EEPD1: variants seen among roughly 807,000 people sequenced by gnomAD.
The protein encoded by EEPD1 is endonuclease/exonuclease/phosphatase family domain containing 1.
A neutral mutation model predicts 46.3 loss-of-function variants in EEPD1; 17 were observed. That is an observed-to-expected ratio of 0.37 (90% CI 0.25 to 0.55). EEPD1 has a LOEUF of 0.55. EEPD1 is among the 20% of genes least tolerant of loss of function. EEPD1 has a pLI of 0.83. For missense variants in EEPD1, 673 were observed against 745.6 expected, an observed-to-expected ratio of 0.90 and a Z score of 1.13; for synonymous variants, 313 against 315.6, an observed-to-expected ratio of 0.99 and a Z score of 0.09.
chr7:36,280,728 C>CT (rs5883541), intron 3 of EEPD1, among the ~76,000 whole-genome samples: 25,564 of 152,176 alleles, frequency 0.17, 2,493 homozygotes, highest in South Asian at 0.18. Context: ...ATGTATCCAT[C>CT]TTGTTACCTT....
intron 3 of EEPD1, among the ~76,000 whole-genome samples, chr7:36,254,193 A>G (rs1486485225): frequency 1.3e-5 from 2 of 152,142 alleles, no homozygotes; most frequent in African/African-American, 2.4e-5. Context: ...GGTTTGTTAC[A>G]TAGGTATACA....
intron 2 of EEPD1, among the ~76,000 whole-genome samples, chr7:36,220,774 A>G (rs1308309820): frequency 6.6e-6 from 1 of 152,078 alleles, no homozygotes; most frequent in East Asian, 1.9e-4. Context: ...CAAACTTATA[A>G]CTACACTGAA....
Position 36,214,719 on chromosome 7 carries a change from A to G in EEPD1, c.879-24266A>G, listed in dbSNP as rs145168207. Among the ~76,000 whole-genome samples the G allele has an allele frequency of 6.6e-5, 10 of 152,294 alleles. No homozygotes were observed. In the East Asian group the frequency reaches 1.7e-3, roughly 26 times the overall value. ...AGAACCTTTATCTTACTCCAGAAAT[A>G]CAAGCCAGCAGTTGTTGCAACCTAA... is the stretch of plus-strand genomic sequence containing the variant. On this transcript the variant is annotated intron_variant, in intron 2 of 7. Transcript: ENST00000242108.
intron 2 of EEPD1, among the ~76,000 whole-genome samples, chr7:36,169,355 A>G (rs1351482658): frequency 1.3e-5 from 2 of 152,196 alleles, no homozygotes; most frequent in Non-Finnish European, 2.9e-5. Context: ...TCCACCAGCA[A>G]TGTATGAGGG....
At chr7:36,272,506 G>T (rs113723081) in intron 3 of EEPD1, among the ~76,000 whole-genome samples, 7,888 of 130,172 alleles carry the variant, frequency 0.061, 298 homozygotes, top group Middle Eastern at 0.12. Flanking sequence ...TTTTGTTGTT[G>T]TTTTTTTTTT....
intron 3 of EEPD1, among the ~76,000 whole-genome samples, chr7:36,261,337 C>T (rs943506210): frequency 1.3e-5 from 2 of 152,178 alleles, no homozygotes; most frequent in Non-Finnish European, 2.9e-5. Flanking sequence ...CTCTGCTTGC[C>T]CTTGGGTATA....
At chr7:36,174,504 G>A (rs191734351) in intron 2 of EEPD1, among the ~76,000 whole-genome samples, 2 of 152,308 alleles carry the variant, frequency 1.3e-5, no homozygotes, top group South Asian at 2.1e-4. Context: ...TGTGATCCTG[G>A]ATCAATTACT....
chr7:36,165,590 T>A (rs182549510), intron 2 of EEPD1, among the ~76,000 whole-genome samples: 2 of 145,856 alleles, frequency 1.4e-5, no homozygotes, highest in Non-Finnish European at 3.0e-5. Flanking sequence ...CCAGCTAATT[T>A]ATTTATTTAT....
rs549480431 is a variant in EEPD1 at position 36,187,935 on chromosome 7, T to C, written c.878+32733T>C. Among the ~76,000 whole-genome samples, 36 of 152,280 alleles carry C rather than the reference T, an allele frequency of 2.4e-4. No homozygotes were observed. The South Asian group carries it at 7.5e-3, about 32-fold the overall frequency. On this transcript the variant is annotated intron_variant, in intron 2 of 7. Coordinates refer to ENST00000242108, the MANE Select transcript of EEPD1 (RefSeq NM_030636.3). ...CCTCAGCCTCCTGAGTAGCTGAGGATTACAGGCACGTGCCACCACGCCCGG... is the reference window on the plus strand; with the variant it reads ...CCTCAGCCTCCTGAGTAGCTGAGGACTACAGGCACGTGCCACCACGCCCGG...
chr7:36,186,984 G>C (rs1785369405), intron 2 of EEPD1, among the ~76,000 whole-genome samples: 2 of 152,154 alleles, frequency 1.3e-5, no homozygotes, highest in Non-Finnish European at 2.9e-5. Flanking sequence ...ATTTTGCAGT[G>C]GTGCACAAAG....
intron 2 of EEPD1, among the ~76,000 whole-genome samples, chr7:36,205,900 A>T (rs1018757185): frequency 6.6e-6 from 1 of 152,162 alleles, no homozygotes; most frequent in Admixed American, 6.5e-5. Flanking sequence ...CTCTGGGGTA[A>T]TGGGGGCACT....
At chr7:36,200,767 C>T (rs537455410) in intron 2 of EEPD1, among the ~76,000 whole-genome samples, 6 of 152,290 alleles carry the variant, frequency 3.9e-5, no homozygotes, top group African/African-American at 7.2e-5. Context: ...TTAAAAAACC[C>T]GTCACCAAGT....
chr7:36,287,535 C>T, intron 5 of EEPD1, 104 bp from the exon 6 acceptor site: 1 of 1,475,548 alleles, frequency 6.8e-7, no homozygotes, highest in Non-Finnish European at 9.1e-7. Context: ...TCTTGTTTAC[C>T]ATTGTCAACT....
intron 2 of EEPD1, chr7:36,229,006 G>A (rs995007774): frequency 6.6e-6 from 1 of 152,294 alleles, no homozygotes; most frequent in African/African-American, 2.4e-5. Context: ...CCCTTAGAGA[G>A]AAAGGCTGCC....
At chr7:36,170,127 G>A (rs1200904799) in intron 2 of EEPD1, among the ~76,000 whole-genome samples, 7 of 152,192 alleles carry the variant, frequency 4.6e-5, no homozygotes, top group African/African-American at 9.6e-5. Context: ...TATTTTGGCC[G>A]GGTGCGGTGG....
intron 3 of EEPD1, among the ~76,000 whole-genome samples, chr7:36,276,148 CATTCT>C (rs1787179739): frequency 6.6e-6 from 1 of 152,108 alleles, no homozygotes; most frequent in Admixed American, 6.6e-5. Context: ...GGTGGTTAGA[CATTCT>C]AAGTCACAGG....
chr7:36,276,140 T>G (rs988281341), intron 3 of EEPD1, among the ~76,000 whole-genome samples: 5 of 152,074 alleles, frequency 3.3e-5, no homozygotes, highest in Non-Finnish European at 5.9e-5. Context: ...CATACCCAGG[T>G]GGTTAGACAT....
chr7:36,197,903 A>T (rs1466859696), intron 2 of EEPD1, among the ~76,000 whole-genome samples: 2 of 151,898 alleles, frequency 1.3e-5, no homozygotes, highest in Non-Finnish European at 2.9e-5. Context: ...AAAAAAAAAT[A>T]AAAAAATAAA....
intron 6 of EEPD1, among the ~76,000 whole-genome samples, chr7:36,292,691 A>G (rs1165200839): frequency 6.6e-6 from 1 of 152,082 alleles, no homozygotes; most frequent in Non-Finnish European, 1.5e-5. Context: ...CATCTTTAGT[A>G]GAGATGGGGT....
Sources: allele counts gnomAD v4.1 joint callset (sites outside exome capture counted in the v4.1 genomes callset), GRCh38; gene constraint gnomAD v4.1.1; transcripts MANE v1.5; gene names NCBI Gene and HGNC (gene_info 2026-07-23, HGNC 2026-07-21).